The following FHIT variants were observed in gnomAD, a reference collection of about 807,000 sequenced individuals.
FHIT encodes bis(5'-adenosyl)-triphosphatase.
In FHIT, 19 loss-of-function variants were observed where a neutral mutation model predicts 17.9. That is an observed-to-expected ratio of 1.06 (90% CI 0.74 to 1.56). The LOEUF (loss-of-function observed/expected upper bound fraction) is 1.56. FHIT is among the 40% of genes most tolerant of loss of function. The probability of loss-of-function intolerance (pLI) is 0.00; values close to 1 mark genes in which losing one functional copy is unlikely to be tolerated. For missense variants in FHIT, 248 were observed against 189.2 expected, an observed-to-expected ratio of 1.31 and a Z score of -1.82; for synonymous variants, 81 against 69.7, an observed-to-expected ratio of 1.16 and a Z score of -0.81.
Position 60,229,247 on chromosome 3 carries a change from C to T in FHIT, c.104-215095G>A, listed in dbSNP as rs557414915. On this transcript the variant is annotated intron_variant, in intron 5 of 9. Coordinates refer to ENST00000492590, the MANE Select transcript of FHIT (RefSeq NM_002012.4). ...GCCTGGGCAACATGGTGAAACCCTG[C>T]CTCTACCAAAAGTACAAAAATTAGC... 2.6e-5 allele frequency among the ~76,000 whole-genome samples: 4 copies of T among 151,794 alleles called. No individual in the cohort carries two copies. In the South Asian group the frequency reaches 8.3e-4, roughly 32 times the overall value.
At chr3:60,310,886 T>C (rs1420728093) in intron 5 of FHIT, among the ~76,000 whole-genome samples, 3 of 152,182 alleles carry the variant, frequency 2.0e-5, no homozygotes, top group African/African-American at 7.2e-5. Flanking sequence ...TGCACTTTCT[T>C]GCTTGCTTTC....
At chr3:60,957,945 T>C (rs1245262500) in intron 3 of FHIT, among the ~76,000 whole-genome samples, 7 of 152,250 alleles carry the variant, frequency 4.6e-5, no homozygotes, top group South Asian at 2.1e-4. Flanking sequence ...TAGTCAGACA[T>C]GTCAAAAATT....
In FHIT at chr3:60,264,086, A is replaced by ACTTTC. The variant is rs1274322435; in HGVS notation, c.104-249935_104-249934insGAAAG. 4.2e-3 allele frequency among the ~76,000 whole-genome samples: 632 copies of ACTTTC among 152,054 alleles called. 3 individuals are homozygous for ACTTTC. The highest frequency in any genetic ancestry group is 0.014 in the African/African-American group (591 of 41,536). The stretch of plus-strand genomic sequence containing the variant: ...AGTATGTGGCATCAGCTTCCAGTGA[A>ACTTTC]TTCCCCAAAGTGGGGGAGAAAAATA... On this transcript the variant is annotated intron_variant, in intron 5 of 9. Coordinates refer to ENST00000492590, the MANE Select transcript of FHIT (RefSeq NM_002012.4).
Position 60,724,636 on chromosome 3 carries a change from A to G in FHIT, c.-18+97283T>C, listed in dbSNP as rs186400429. Among the ~76,000 whole-genome samples, 175 of 145,866 alleles carry G rather than the reference A, an allele frequency of 1.2e-3. 1 individual carries two copies. The highest frequency in any genetic ancestry group is 4.3e-3 in the African/African-American group (170 of 39,148). Reference sequence around the variant, plus strand: ...CTCCACATCCTTGCTAATAGTTACTATTAACTGTCTGTTTTTTTTTTTTGT... The same window carrying G: ...CTCCACATCCTTGCTAATAGTTACTGTTAACTGTCTGTTTTTTTTTTTTGT... On this transcript the variant is annotated intron_variant, in intron 4 of 9. Coordinates refer to ENST00000492590, the MANE Select transcript of FHIT (RefSeq NM_002012.4).
At chr3:60,354,519 C>T (rs1699560744) in intron 5 of FHIT, among the ~76,000 whole-genome samples, 1 of 152,082 alleles carries the variant, frequency 6.6e-6, no homozygotes, top group Non-Finnish European at 1.5e-5. Context: ...GTTATCAGAA[C>T]AAGAATTCAA....
At chr3:60,278,424 C>T (rs1707272987) in intron 5 of FHIT, among the ~76,000 whole-genome samples, 1 of 152,220 alleles carries the variant, frequency 6.6e-6, no homozygotes, top group South Asian at 2.1e-4. Flanking sequence ...AAAAAGGGCT[C>T]AGAACATTTC....
chr3:60,163,494 C>A (rs1024005012), intron 5 of FHIT, among the ~76,000 whole-genome samples: 4 of 152,134 alleles, frequency 2.6e-5, no homozygotes, highest in African/African-American at 4.8e-5. Flanking sequence ...CCTTCTGTTC[C>A]TCCAAGGCCC....
At chr3:61,216,729 G>T (rs1254224972) in intron 1 of FHIT, among the ~76,000 whole-genome samples, 1 of 152,150 alleles carries the variant, frequency 6.6e-6, no homozygotes, top group African/African-American at 2.4e-5. Context: ...CAATAGCAAA[G>T]ACTTGGAACC....
intron 4 of FHIT, among the ~76,000 whole-genome samples, chr3:60,763,341 T>C (rs115074971): frequency 0.01 from 1,549 of 152,340 alleles, 32 homozygotes; most frequent in African/African-American, 0.035. Flanking sequence ...AAAGTCATTA[T>C]AGAACATTTG....
intron 2 of FHIT, among the ~76,000 whole-genome samples, chr3:61,140,411 G>A (rs2037046845): frequency 6.6e-6 from 1 of 152,124 alleles, no homozygotes; most frequent in African/African-American, 2.4e-5. Context: ...TATATAACCA[G>A]CACTGAACAT....
intron 4 of FHIT, among the ~76,000 whole-genome samples, chr3:60,741,475 A>T (rs1217843683): frequency 6.6e-6 from 1 of 152,188 alleles, no homozygotes; most frequent in Admixed American, 6.5e-5. Context: ...GACCAATGAG[A>T]AAGGTGTTTT....
chr3:60,471,370 G>A (rs1320164171), intron 5 of FHIT, among the ~76,000 whole-genome samples: 3 of 152,282 alleles, frequency 2.0e-5, no homozygotes, highest in Non-Finnish European at 4.4e-5. Context: ...GGAGCTTGCC[G>A]GAACTCAGGT....
intron 1 of FHIT, among the ~76,000 whole-genome samples, chr3:61,200,957 C>T (rs562439476): frequency 1.4e-4 from 21 of 151,898 alleles, no homozygotes; most frequent in African/African-American, 3.9e-4. Flanking sequence ...CGGCTTATAG[C>T]GAGATGAAAA....
chr3:60,124,005 T>G (rs868326081), intron 5 of FHIT, among the ~76,000 whole-genome samples: 4,847 of 19,796 alleles, frequency 0.24, 484 homozygotes, highest in Non-Finnish European at 0.3. Context: ...TATATATATA[T>G]ATATAGAGAG....
At chr3:60,974,827 A>C (rs2107537400) in intron 3 of FHIT, among the ~76,000 whole-genome samples, 1 of 152,272 alleles carries the variant, frequency 6.6e-6, no homozygotes, top group East Asian at 1.9e-4. Context: ...TGAGGCCTGA[A>C]ATTTATCAAT....
chr3:60,134,466 G>C (rs1273134833), intron 5 of FHIT, among the ~76,000 whole-genome samples: 1 of 152,116 alleles, frequency 6.6e-6, no homozygotes, highest in Non-Finnish European at 1.5e-5. Context: ...ACAGTTTCTG[G>C]GCGTGGGGCC....
intron 5 of FHIT, among the ~76,000 whole-genome samples, chr3:60,353,879 G>A (rs746652192): frequency 6.6e-6 from 1 of 152,178 alleles, no homozygotes; most frequent in Middle Eastern, 3.4e-3. Context: ...ATACAGTCCT[G>A]TTCAGCTGAT....
chr3:60,150,234 T>C (rs1700407797), intron 5 of FHIT, among the ~76,000 whole-genome samples: 1 of 151,990 alleles, frequency 6.6e-6, no homozygotes, highest in Non-Finnish European at 1.5e-5. Flanking sequence ...TGACCTCAGG[T>C]GGTCCACCCA....
At chr3:59,995,870 G>GT (rs113751596) in intron 7 of FHIT, among the ~76,000 whole-genome samples, 24,420 of 152,016 alleles carry the variant, frequency 0.16, 2,110 homozygotes, top group South Asian at 0.27. Flanking sequence ...ATTAAAAGGG[G>GT]ACTGACACTA....
Sources: allele counts gnomAD v4.1 joint callset (sites outside exome capture counted in the v4.1 genomes callset), GRCh38; gene constraint gnomAD v4.1.1; transcripts MANE v1.5; gene names NCBI Gene and HGNC (gene_info 2026-07-23, HGNC 2026-07-21).